RAP1GDS1: variants seen among roughly 807,000 people sequenced by gnomAD.
The protein encoded by RAP1GDS1 is RAP1, GTP-GDP dissociation stimulator 1.
In RAP1GDS1, 35 loss-of-function variants were observed where a neutral mutation model predicts 71.1. That is an observed-to-expected ratio of 0.49 (90% CI 0.38 to 0.65). The LOEUF (loss-of-function observed/expected upper bound fraction) is 0.65. Among genes scored for constraint, RAP1GDS1 ranks in the 30% least tolerant of loss-of-function variants. The pLI is 0.00. For synonymous variants in RAP1GDS1, 229 were observed against 243.1 expected (o/e 0.94, Z 0.54); for missense variants, 663 against 706.1 (o/e 0.94, Z 0.69).
chr4:98,351,282 A>C (rs969357626), intron 3 of RAP1GDS1, among the ~76,000 whole-genome samples: 2 of 152,210 alleles, frequency 1.3e-5, no homozygotes, highest in African/African-American at 2.4e-5. Flanking sequence ...TAGAGTAATA[A>C]GTAAGAAAGA....
chr4:98,343,198 T>G lies in RAP1GDS1; in HGVS notation c.172T>G (p.Leu58Val), dbSNP rs745765738. The stretch of plus-strand genomic sequence containing the variant: ...AATACTTCAGCTGTTTGCAAGTCTG[T>G]TGACTCCACAGTCTTCCTGCAAAGC... ...SGILQLFASLLTPQSSCKAKV... is the reference protein window; with the variant it reads ...SGILQLFASLVTPQSSCKAKV... Residue 58 changes from leucine to valine, a missense_variant, in exon 3 of 15, where the codon TTG becomes GTG. Physicochemically the swap from Leu to Val is conservative, Grantham distance 32. Transcript: ENST00000408927. The G allele has an allele frequency of 6.2e-7, 1 of 1,605,820 alleles. No individual in the cohort carries two copies. Among genetic ancestry groups the G allele is most frequent in the Non-Finnish European group, 8.5e-7 (1 of 1,172,564 alleles).
intron 14 of RAP1GDS1, 104 bp from the exon 15 acceptor site, chr4:98,441,886 A>G: frequency 1.6e-6 from 2 of 1,242,278 alleles, no homozygotes; most frequent in Non-Finnish European, 2.2e-6. Flanking sequence ...AATTGTTTCT[A>G]GTTTTATAAG....
intron 8 of RAP1GDS1, 82 bp downstream of exon 8, chr4:98,416,970 T>TG: frequency 6.9e-7 from 1 of 1,452,092 alleles, no homozygotes; most frequent in Non-Finnish European, 9.4e-7. Flanking sequence ...AATACTACCC[T>TG]AGACATTTTC....
At chr4:98,324,060 G>C (rs987127086) in intron 2 of RAP1GDS1, among the ~76,000 whole-genome samples, 2 of 151,164 alleles carry the variant, frequency 1.3e-5, no homozygotes, top group African/African-American at 4.9e-5. Flanking sequence ...AAGCTGATAA[G>C]CAACTTCAAA....
At chr4:98,437,751 A>G (rs1280689205) in intron 14 of RAP1GDS1, among the ~76,000 whole-genome samples, 1 of 151,592 alleles carries the variant, frequency 6.6e-6, no homozygotes, top group Non-Finnish European at 1.5e-5. Flanking sequence ...AGATTGTGCC[A>G]CTGTACTTCC....
intron 6 of RAP1GDS1, among the ~76,000 whole-genome samples, chr4:98,397,206 A>C (rs1013941419): frequency 6.6e-6 from 1 of 152,140 alleles, no homozygotes; most frequent in African/African-American, 2.4e-5. Flanking sequence ...TCGAGTCCCA[A>C]TGAATGTGTT....
At chr4:98,282,583 T>C (rs1725294869) in intron 1 of RAP1GDS1, among the ~76,000 whole-genome samples, 1 of 151,444 alleles carries the variant, frequency 6.6e-6, no homozygotes, top group Non-Finnish European at 1.5e-5. Flanking sequence ...TTGATTTTTT[T>C]TTTTTTTTTG....
chr4:98,442,299 A>G lies in RAP1GDS1; in HGVS notation c.*182A>G. On this transcript the variant is annotated 3_prime_UTR_variant, in exon 15 of 15. Coordinates refer to ENST00000408927, the MANE Select transcript of RAP1GDS1 (RefSeq NM_001100427.2). The stretch of plus-strand genomic sequence containing the variant: ...TTCTAAACCTATAGTTAGTGTGATC[A>G]TGACTTTGTCAAAGGCAAGTCTCCA... The G allele has an allele frequency of 1.2e-6, 1 of 814,400 alleles. No individual in the cohort carries two copies. The highest frequency in any genetic ancestry group is 1.8e-6 in the Non-Finnish European group (1 of 567,296). The allele number at this position is 814,400 out of a possible 1,614,324, so 50.4% of individuals were successfully genotyped here. A position where few individuals can be genotyped will look rare whatever the true frequency, so the allele number is the denominator to read the frequency against.
rs142121718 is a variant in RAP1GDS1 at position 98,281,627 on chromosome 4, G to C, written c.5-11781G>C. Among the ~76,000 whole-genome samples the C allele has an allele frequency of 9.9e-3, 1,504 of 151,928 alleles. 21 individuals are homozygous for C. The highest frequency in any genetic ancestry group is 0.032 in the African/African-American group (1,331 of 41,462). On this transcript the variant is annotated intron_variant, in intron 1 of 14. Transcript: ENST00000408927. ...CTTTCTCTTGCCTGACTGCCCTGGC[G>C]AGAACTTCCAACACTATGCTGAATA...
intron 10 of RAP1GDS1, 87 bp downstream of exon 10, chr4:98,418,878 G>A: frequency 7.8e-7 from 1 of 1,282,374 alleles, no homozygotes; most frequent in Non-Finnish European, 1.0e-6. Context: ...TTGTGAACCT[G>A]CTCTGATGAA....
At chr4:98,404,752 T>C (rs760902714) in intron 7 of RAP1GDS1, 150 bp downstream of exon 7, 8 of 947,270 alleles carry the variant, frequency 8.4e-6, no homozygotes, top group African/African-American at 1.7e-5. Context: ...AGCTATGTTA[T>C]CTACTCCATA....
intron 1 of RAP1GDS1, among the ~76,000 whole-genome samples, chr4:98,281,119 G>T (rs538389837): frequency 2.0e-3 from 300 of 152,162 alleles, no homozygotes; most frequent in African/African-American, 7.1e-3. Flanking sequence ...ATATGAACTT[G>T]AAAGTAGTTT....
intron 6 of RAP1GDS1, among the ~76,000 whole-genome samples, chr4:98,395,184 CAA>C (rs1338194635): frequency 6.6e-6 from 1 of 151,988 alleles, no homozygotes; most frequent in Admixed American, 6.6e-5. Context: ...AGTGATAGTT[CAA>C]ATAGTTTAAT....
chr4:98,386,207 T>C (rs562199059), intron 5 of RAP1GDS1, among the ~76,000 whole-genome samples: 1 of 152,034 alleles, frequency 6.6e-6, no homozygotes, highest in African/African-American at 2.4e-5. Context: ...AATTAACCTG[T>C]AGTAAATATG....
intron 2 of RAP1GDS1, among the ~76,000 whole-genome samples, chr4:98,329,788 CAAAAAAAA>C (rs34140500): frequency 9.2e-5 from 4 of 43,426 alleles, no homozygotes; most frequent in South Asian, 8.1e-4. Context: ...GACTCCATCT[CAAAAAAAA>C]AAAAAAAAAA....
At chr4:98,287,785 TA>T (rs1261772778) in intron 1 of RAP1GDS1, among the ~76,000 whole-genome samples, 1 of 143,496 alleles carries the variant, frequency 7.0e-6, no homozygotes, top group African/African-American at 2.9e-5. Context: ...TTTGCTCAGA[TA>T]TTTTTTTTTT....
chr4:98,373,288 A>T (rs1207851883), intron 4 of RAP1GDS1, among the ~76,000 whole-genome samples: 1 of 152,106 alleles, frequency 6.6e-6, no homozygotes, highest in Non-Finnish European at 1.5e-5. Context: ...TAGCTTGCAT[A>T]GTTTTTGATG....
chr4:98,301,242 G>T (rs748633561), intron 2 of RAP1GDS1, among the ~76,000 whole-genome samples: 3 of 151,598 alleles, frequency 2.0e-5, no homozygotes, highest in Non-Finnish European at 4.4e-5. Context: ...TAGTGATTGT[G>T]TTCATTGTCC....
At chr4:98,315,381 G>A (rs756484279) in intron 2 of RAP1GDS1, among the ~76,000 whole-genome samples, 25 of 152,072 alleles carry the variant, frequency 1.6e-4, no homozygotes, top group Admixed American at 4.6e-4. Context: ...CCATGTCTTT[G>A]ACTACCAAAT....
Sources: gnomAD v4.1 joint callset for allele counts (sites outside exome capture counted in the v4.1 genomes callset) on GRCh38, gnomAD v4.1.1 for gene constraint, MANE v1.5 for transcripts, NCBI Gene and HGNC (gene_info 2026-07-23, HGNC 2026-07-21) for gene names.